HDAC4: variants seen among roughly 807,000 people sequenced by gnomAD.
The protein encoded by HDAC4 is histone deacetylase 4.
A neutral mutation model predicts 135.1 loss-of-function variants in HDAC4; 16 were observed. That is an observed-to-expected ratio of 0.12 (90% confidence interval 0.08 to 0.18). The LOEUF (loss-of-function observed/expected upper bound fraction) is 0.18. Among genes scored for constraint, HDAC4 ranks in the 10% least tolerant of loss-of-function variants. The pLI, the probability that HDAC4 is intolerant of heterozygous loss-of-function variation, is 1.00. For missense variants in HDAC4, 1,143 were observed against 1,511.8 expected (o/e 0.76, Z 4.05); for synonymous variants, 685 against 653.4 (o/e 1.05, Z -0.74).
chr2:239,394,236 G>A (rs1260908659), intron 1 of HDAC4, among the ~76,000 whole-genome samples: 1 of 152,138 alleles, frequency 6.6e-6, no homozygotes, highest in East Asian at 1.9e-4. Context: ...CACAGACGGA[G>A]TACTTCATAA....
chr2:239,182,629 T>C (rs576599335), intron 4 of HDAC4, among the ~76,000 whole-genome samples: 2 of 152,168 alleles, frequency 1.3e-5, no homozygotes, highest in East Asian at 3.9e-4. Flanking sequence ...CATTCCACCT[T>C]ATTAGATTTA....
intron 2 of HDAC4, among the ~76,000 whole-genome samples, chr2:239,252,374 C>A (rs533102516): frequency 2.6e-5 from 4 of 152,336 alleles, no homozygotes; most frequent in Non-Finnish European, 5.9e-5. Context: ...CGCAGTGCCA[C>A]AGATAGCCTA....
At chr2:239,276,382 C>T (rs1035520502) in intron 2 of HDAC4, among the ~76,000 whole-genome samples, 1 of 152,214 alleles carries the variant, frequency 6.6e-6, no homozygotes, top group South Asian at 2.1e-4. Flanking sequence ...GTGTCTGGAC[C>T]CCAGGCCACA....
chr2:239,318,623 A>G (rs1486823582), intron 2 of HDAC4, among the ~76,000 whole-genome samples: 2 of 152,076 alleles, frequency 1.3e-5, no homozygotes. Flanking sequence ...ATCTGAGGCA[A>G]CATGGCCTGG....
intron 1 of HDAC4, among the ~76,000 whole-genome samples, chr2:239,369,065 A>G (rs1220967738): frequency 2.0e-5 from 3 of 152,148 alleles, no homozygotes; most frequent in Non-Finnish European, 4.4e-5. Flanking sequence ...GGACCTGCAC[A>G]CACAGGCAGT....
intron 2 of HDAC4, among the ~76,000 whole-genome samples, chr2:239,282,783 C>A (rs577598914): frequency 2.6e-5 from 4 of 151,252 alleles, no homozygotes; most frequent in Non-Finnish European, 4.4e-5. Context: ...AATGTACACA[C>A]CCCTCTACAC....
intron 1 of HDAC4, among the ~76,000 whole-genome samples, chr2:239,371,104 G>C: frequency 6.6e-6 from 1 of 152,226 alleles, no homozygotes; most frequent in South Asian, 2.1e-4. Context: ...ACCCAGGACA[G>C]AGTCCACCTT....
At chr2:239,237,592 A>AC (rs990521817) in intron 2 of HDAC4, among the ~76,000 whole-genome samples, 1 of 151,204 alleles carries the variant, frequency 6.6e-6, no homozygotes, top group East Asian at 1.9e-4. Flanking sequence ...AAAAAAAAAA[A>AC]CCCATTTTTT....
intron 2 of HDAC4, among the ~76,000 whole-genome samples, chr2:239,248,876 G>C (rs753107141): frequency 6.6e-6 from 1 of 152,110 alleles, no homozygotes; most frequent in Non-Finnish European, 1.5e-5. Flanking sequence ...TCCCATCACT[G>C]GCTCATTCAT....
Position 239,137,345 on chromosome 2 carries a change from A to G in HDAC4, c.978+2339T>C, listed in dbSNP as rs1370403769. 2.0e-5 allele frequency among the ~76,000 whole-genome samples: 3 copies of G among 152,342 alleles called. No homozygotes were observed. The East Asian group carries it at 5.8e-4, about 29-fold the overall frequency. ...AGGCACGCGTGTAAATAACAGCAGC[A>G]GCGGCCACAGAGGAGCTGTCCCCTT... is the stretch of plus-strand genomic sequence containing the variant. On this transcript the variant is annotated intron_variant, in intron 9 of 26. Transcript: ENST00000543185.
At chr2:239,111,802 C>A in intron 13 of HDAC4, 90 bp from the exon 14 acceptor site, 1 of 1,236,908 alleles carries the variant, frequency 8.1e-7, no homozygotes, top group Non-Finnish European at 1.2e-6. Context: ...TGCAAGTCTC[C>A]CGTCCACGCA....
chr2:239,384,776 A>T (rs945427853), intron 1 of HDAC4, among the ~76,000 whole-genome samples: 1 of 152,188 alleles, frequency 6.6e-6, no homozygotes, highest in Non-Finnish European at 1.5e-5. Flanking sequence ...TCTGATCCCT[A>T]AAATGCCGAT....
In HDAC4 at chr2:239,352,024, G is replaced by C. The variant is rs1234439865; in HGVS notation, c.22+654C>G. 6.6e-6 allele frequency among the ~76,000 whole-genome samples: 1 copy of C among 152,182 alleles called. No individual in the cohort carries two copies. Among genetic ancestry groups the C allele is most frequent in the Admixed American group, 6.5e-5 (1 of 15,272 alleles). On this transcript the variant is annotated intron_variant, in intron 2 of 26. Transcript: ENST00000543185. The surrounding 1 kb of genome is among the most constrained non-coding windows in gnomAD (Gnocchi z 4.4). ...GTGACTTTCCAAGGACAGAAAGTGT[G>C]AAGTCGTAAATGGATGGGCCCATGA...
chr2:239,302,625 T>C (rs2052336352), intron 2 of HDAC4, among the ~76,000 whole-genome samples: 1 of 152,164 alleles, frequency 6.6e-6, no homozygotes, highest in African/African-American at 2.4e-5. Flanking sequence ...TCCAGTGACT[T>C]TTTGTGGACA....
chr2:239,398,318 G>A (rs1696703383), intron 1 of HDAC4, among the ~76,000 whole-genome samples: 2 of 152,242 alleles, frequency 1.3e-5, no homozygotes, highest in Non-Finnish European at 2.9e-5. Flanking sequence ...AATTAAGACA[G>A]CATAAAGTCG....
At chr2:239,092,189 T>A (rs1019855200) in intron 17 of HDAC4, among the ~76,000 whole-genome samples, 2 of 148,062 alleles carry the variant, frequency 1.4e-5, no homozygotes, top group African/African-American at 5.0e-5. Context: ...CAGTTAGCCA[T>A]GAATGCACCG....
chr2:239,136,565 T>C (rs1388353908), intron 9 of HDAC4, among the ~76,000 whole-genome samples: 1 of 152,184 alleles, frequency 6.6e-6, no homozygotes, highest in Non-Finnish European at 1.5e-5. Flanking sequence ...AAAAAGCTTC[T>C]GCACAGCAAA....
chr2:239,290,716 ATACGCACTCACG>A (rs1358423754), intron 2 of HDAC4, among the ~76,000 whole-genome samples: 1 of 151,878 alleles, frequency 6.6e-6, no homozygotes, highest in African/African-American at 2.4e-5. Context: ...ACACACTCAC[ATACGCACTCACG>A]TACGCACACA....
intron 2 of HDAC4, among the ~76,000 whole-genome samples, chr2:239,337,570 G>A (rs1052685004): frequency 1.3e-5 from 2 of 152,196 alleles, no homozygotes; most frequent in Non-Finnish European, 2.9e-5. Flanking sequence ...ATGAGCAACC[G>A]AGTCAGATGG....
Sources: gnomAD v4.1 joint callset for allele counts (sites outside exome capture counted in the v4.1 genomes callset) on GRCh38, gnomAD v4.1.1 for gene constraint, Gnocchi (gnomAD v3.1) non-coding constraint, MANE v1.5 for transcripts, NCBI Gene and HGNC (gene_info 2026-07-23, HGNC 2026-07-21) for gene names.